IL1RAPL1: variants seen among roughly 807,000 people sequenced by gnomAD.
The protein encoded by IL1RAPL1 is interleukin 1 receptor accessory protein like 1, also known as interleukin-1 receptor accessory protein-like 1.
A neutral mutation model predicts 48.4 loss-of-function variants in IL1RAPL1; 3 were observed. The ratio of observed to expected loss-of-function variants is 0.06; its 90% CI spans 0.03 to 0.16. The LOEUF (loss-of-function observed/expected upper bound fraction) is 0.16, where lower values mean the gene tolerates loss of function less well. Ranked by LOEUF, IL1RAPL1 falls within the 10% of genes least tolerant of loss-of-function variation. The pLI is 1.00. For synonymous variants in IL1RAPL1, 185 were observed against 187.7 expected (o/e 0.99, Z 0.12); for missense variants, 349 against 530.6 (o/e 0.66, Z 3.36).
At chrX:29,585,905 A>ATTTT (rs1923141766) in intron 5 of IL1RAPL1, among the ~76,000 whole-genome samples, 1 of 111,812 alleles carries the variant, frequency 8.9e-6, no homozygotes, top group Non-Finnish European at 1.9e-5. Context: ...TTTGCTATTG[A>ATTTT]GTTGTAGGAG....
At chrX:28,596,204 T>G (rs1933953336) in intron 1 of IL1RAPL1, among the ~76,000 whole-genome samples, 1 of 111,661 alleles carries the variant, frequency 9.0e-6, no homozygotes, top group African/African-American at 3.3e-5. Context: ...CATGCTACAT[T>G]ATACGTAGAG....
chrX:28,992,207 T>C (rs1226208514), intron 2 of IL1RAPL1, among the ~76,000 whole-genome samples: 1 of 111,741 alleles, frequency 8.9e-6, no homozygotes, highest in Non-Finnish European at 1.9e-5. Context: ...CTGCAAAGTA[T>C]GGGCTGGGTG....
intron 5 of IL1RAPL1, among the ~76,000 whole-genome samples, chrX:29,627,290 C>T (rs1340384096): frequency 8.9e-6 from 1 of 112,177 alleles, no homozygotes; most frequent in Non-Finnish European, 1.9e-5. Flanking sequence ...CAAAGCATTT[C>T]GGCATTGATA....
intron 1 of IL1RAPL1, among the ~76,000 whole-genome samples, chrX:28,691,476 C>T (rs1209855386): frequency 8.9e-6 from 1 of 111,828 alleles, no homozygotes; most frequent in African/African-American, 3.2e-5. Context: ...TGTGATTTTA[C>T]ATTTCTTCGT....
intron 5 of IL1RAPL1, among the ~76,000 whole-genome samples, chrX:29,479,024 CAGA>C (rs1433524279): frequency 1.8e-5 from 2 of 109,112 alleles, no homozygotes; most frequent in African/African-American, 6.9e-5. Context: ...TATCTGAAAG[CAGA>C]AGTTTTTTTT....
intron 6 of IL1RAPL1, among the ~76,000 whole-genome samples, chrX:29,733,635 A>G (rs1293855151): frequency 8.9e-6 from 1 of 112,471 alleles, no homozygotes; most frequent in African/African-American, 3.2e-5. Context: ...TCTCCATGAA[A>G]TAGGATAAGA....
intron 2 of IL1RAPL1, among the ~76,000 whole-genome samples, chrX:28,800,130 T>G (rs1468687181): frequency 8.9e-6 from 1 of 111,815 alleles, no homozygotes; most frequent in Non-Finnish European, 1.9e-5. Flanking sequence ...TTCCACCTTC[T>G]GGTGGCTTCA....
chrX:29,294,585 A>G (rs943864802), intron 3 of IL1RAPL1, among the ~76,000 whole-genome samples: 1 of 110,832 alleles, frequency 9.0e-6, no homozygotes, highest in African/African-American at 3.3e-5. Flanking sequence ...CTCTATTACA[A>G]CTACTCAACT....
intron 9 of IL1RAPL1, among the ~76,000 whole-genome samples, chrX:29,952,524 ATAGT>A (rs1168499638): frequency 8.9e-6 from 1 of 112,082 alleles, no homozygotes; most frequent in African/African-American, 3.2e-5. Context: ...ATGCATGTGA[ATAGT>A]TAATGAATAT....
intron 6 of IL1RAPL1, among the ~76,000 whole-genome samples, chrX:29,846,272 A>G (rs57508057): frequency 0.047 from 5,239 of 110,773 alleles, 311 homozygotes; most frequent in African/African-American, 0.16. Flanking sequence ...AAATACAGAA[A>G]CCTTACTTGT....
chrX:29,444,883 A>T (rs185987134), intron 5 of IL1RAPL1, among the ~76,000 whole-genome samples: 36 of 112,074 alleles, frequency 3.2e-4, no homozygotes, highest in Admixed American at 9.5e-4. Flanking sequence ...TAGTACAGAC[A>T]AATTAAAAAG....
intron 5 of IL1RAPL1, among the ~76,000 whole-genome samples, chrX:29,614,799 T>C (rs1240124517): frequency 8.9e-6 from 1 of 111,846 alleles, no homozygotes; most frequent in African/African-American, 3.3e-5. Context: ...GTCTGTTGTT[T>C]AAGCCAATAG....
At chrX:29,796,251 GAACC>G (rs1414137617) in intron 6 of IL1RAPL1, among the ~76,000 whole-genome samples, 2 of 112,092 alleles carry the variant, frequency 1.8e-5, no homozygotes, top group Non-Finnish European at 3.8e-5. Context: ...TCCTTAGGTG[GAACC>G]ACTGAGCCTC....
intron 3 of IL1RAPL1, among the ~76,000 whole-genome samples, chrX:29,302,439 A>G (rs1932550459): frequency 8.9e-6 from 1 of 112,137 alleles, no homozygotes; most frequent in Non-Finnish European, 1.9e-5. Context: ...CTGATACAGA[A>G]GTAAAACTTA....
At chrX:29,881,459 T>C (rs763529191) in intron 6 of IL1RAPL1, among the ~76,000 whole-genome samples, 5 of 111,461 alleles carry the variant, frequency 4.5e-5, no homozygotes, top group Admixed American at 9.6e-5. Context: ...TTTTGGCAGT[T>C]GTTTTACCTT....
chrX:29,234,717 A>G (rs1931259671), intron 2 of IL1RAPL1, among the ~76,000 whole-genome samples: 1 of 112,088 alleles, frequency 8.9e-6, no homozygotes, highest in African/African-American at 3.2e-5. Flanking sequence ...TTGGGTTTAG[A>G]TTTCAGCTCT....
Position 29,782,519 on chromosome X carries a change from CA to C in IL1RAPL1, c.778+114016del, listed in dbSNP as rs1171723084. On this transcript the variant is annotated intron_variant, in intron 6 of 10. Coordinates refer to ENST00000378993, the MANE Select transcript of IL1RAPL1 (RefSeq NM_014271.4). ...ATGACGTGTTCCCTAGTTCTCTATC[CA>C]TTACAGAGTCTGGTGGATAAAAATT... Among the ~76,000 whole-genome samples the C allele has an allele frequency of 3.6e-5, 4 of 110,841 alleles. No homozygotes were observed. The East Asian group carries it at 1.1e-3, about 31-fold the overall frequency.
intron 2 of IL1RAPL1, among the ~76,000 whole-genome samples, chrX:29,092,501 C>G (rs1337632239): frequency 9.0e-6 from 1 of 111,448 alleles, no homozygotes; most frequent in Admixed American, 9.6e-5. Context: ...CTTAAGTTGA[C>G]TCTCATTTTT....
intron 6 of IL1RAPL1, among the ~76,000 whole-genome samples, chrX:29,748,863 G>A (rs1042199829): frequency 1.8e-5 from 2 of 110,053 alleles, no homozygotes; most frequent in Non-Finnish European, 3.8e-5. Flanking sequence ...TGGCCCCCAG[G>A]CCATACTGCC....
Sources: allele counts gnomAD v4.1 joint callset (sites outside exome capture counted in the v4.1 genomes callset), GRCh38; gene constraint gnomAD v4.1.1; transcripts MANE v1.5; gene names NCBI Gene and HGNC (gene_info 2026-07-23, HGNC 2026-07-21).